IVNS1ABP: variants seen among roughly 807,000 people sequenced by gnomAD.
IVNS1ABP encodes the protein influenza virus NS1A-binding protein.
Under a neutral mutation model 78.9 loss-of-function variants are expected in IVNS1ABP, and 25 were observed. The observed-to-expected ratio is 0.32, with a 90% confidence interval of 0.23 to 0.44. IVNS1ABP has a LOEUF of 0.44. IVNS1ABP is among the 20% of genes least tolerant of loss of function. The pLI is 1.00. For synonymous variants in IVNS1ABP, 241 were observed against 259.7 expected, an observed-to-expected ratio of 0.93 and a Z score of 0.69; for missense variants, 494 against 768.9, an observed-to-expected ratio of 0.64 and a Z score of 4.23.
intron 1 of IVNS1ABP, among the ~76,000 whole-genome samples, chr1:185,316,232 C>T (rs1666015619): frequency 6.6e-6 from 1 of 152,132 alleles, no homozygotes; most frequent in African/African-American, 2.4e-5. Context: ...CCGCAGGCTG[C>T]GAGGCGAGGC....
At chr1:185,299,074 G>T (rs949172312) in intron 14 of IVNS1ABP, 1 of 152,452 alleles carries the variant, frequency 6.6e-6, no homozygotes, top group Non-Finnish European at 1.5e-5. Context: ...TGCATTCTAT[G>T]TATCTGTAAA....
Position 185,300,129 on chromosome 1 carries a change from T to A in IVNS1ABP, c.1371A>T (p.Gly457=), listed in dbSNP as rs1665532883. ...ATAACTTTCCATTCAGAGCACACACTCCTATGTAAGTATAAAATAAAGTTA... is the reference window on the plus strand; with the variant it reads ...ATAACTTTCCATTCAGAGCACACACACCTATGTAAGTATAAAATAAAGTTA... ...PELRTNRCNA[G]VCALNGKLYI... is the part of the protein sequence containing the mutation. Residue 457 remains glycine (G), a splice_region_variant and synonymous_variant, in exon 13 of 15, where the codon GGA becomes GGT. Transcript: ENST00000367498. 6.2e-7 allele frequency: 1 copy of A among 1,611,812 alleles called. No individual in the cohort carries two copies. The highest frequency in any genetic ancestry group is 8.5e-7 in the Non-Finnish European group (1 of 1,178,846).
Position 185,297,039 on chromosome 1 carries a change from T to G in IVNS1ABP, c.*996A>C, listed in dbSNP as rs1483120993. 1 of 152,160 alleles carries G rather than the reference T, an allele frequency of 6.6e-6. No individual in the cohort carries two copies. Among genetic ancestry groups the G allele is most frequent in the Non-Finnish European group, 1.5e-5 (1 of 68,012 alleles). The allele number at this position is 152,160 out of a possible 1,614,324, so 9.4% of individuals were successfully genotyped here. ...TCATCCCAACCAATATTTATCCATA[T>G]GAACAGATAAACTGAACAAAAACAT... On this transcript the variant is annotated 3_prime_UTR_variant, in exon 15 of 15. Transcript: ENST00000367498.
Position 185,299,499 on chromosome 1 carries a change from G to A in IVNS1ABP, c.1675+211C>T, listed in dbSNP as rs75303450. 8.7e-6 allele frequency: 5 copies of A among 574,480 alleles called. No individual in the cohort carries two copies. The East Asian group carries it at 1.4e-4, about 17-fold the overall frequency. The allele number at this position is 574,480 out of a possible 1,614,324, so 35.6% of individuals were successfully genotyped here. A position where few individuals can be genotyped will look rare whatever the true frequency, so the allele number is the denominator to read the frequency against. On this transcript the variant is annotated intron_variant, in intron 14 of 14. Coordinates refer to ENST00000367498, the MANE Select transcript of IVNS1ABP (RefSeq NM_006469.5). ...CACTCAGTGCACCCATCAAAAGACT[G>A]GTGAATTAAGTTATATATCAAGTAT...
rs1247994682 is a variant in IVNS1ABP, at chr1:185,307,054, A to C, written c.617T>G (p.Ile206Ser). The C allele has an allele frequency of 6.2e-7, 1 of 1,613,592 alleles. No individual in the cohort carries two copies. The highest frequency in any genetic ancestry group is 1.7e-5 in the Admixed American group (1 of 59,994). Reference sequence around the variant, plus strand: ...TTCCAGACTGTCTCCATTCTCCCAGATGCTACGCTGCACCCAGTTGATTAC... The same window carrying C: ...TTCCAGACTGTCTCCATTCTCCCAGCTGCTACGCTGCACCCAGTTGATTAC... Reference protein sequence around the residue: ...TKVINWVQRSIWENGDSLEEL... With the variant: ...TKVINWVQRSSWENGDSLEEL... The change falls in exon 7 of 15, where the codon ATC (isoleucine) becomes AGC (serine). Residue 206 changes from isoleucine (I) to serine (S), a missense_variant. By Grantham distance (142) the Ile-to-Ser change is moderately radical. Transcript: ENST00000367498.
chr1:185,313,721 A>T (rs1380131859), intron 1 of IVNS1ABP, among the ~76,000 whole-genome samples: 2 of 152,232 alleles, frequency 1.3e-5, no homozygotes, highest in African/African-American at 4.8e-5. Context: ...TCCCAGAGTC[A>T]TATAAGAGTA....
Position 185,307,816 on chromosome 1 carries a change from AAATGATAAAC to A in IVNS1ABP, c.358-164_358-155del, listed in dbSNP as rs1665778876. On this transcript the variant is annotated intron_variant, in intron 5 of 14. Transcript: ENST00000367498. ...TTAATAGTGGTAATAACACGTATAC[AAATGATAAAC>A]ATCTAATTATGCCATACAGATATGT... 3 of 1,218,122 alleles carry A rather than the reference AAATGATAAAC, an allele frequency of 2.5e-6. No individual in the cohort carries two copies. In the African/African-American group the frequency reaches 4.6e-5, roughly 19 times the overall value. 75.5% of individuals were successfully genotyped at this position (1,218,122 alleles called of 1,614,324 possible).
chr1:185,303,978 G>T (rs565737249), intron 8 of IVNS1ABP, among the ~76,000 whole-genome samples: 2 of 151,998 alleles, frequency 1.3e-5, no homozygotes, highest in Admixed American at 1.3e-4. Flanking sequence ...CCCATTCAGG[G>T]AGCATTTACC....
At chr1:185,304,182 C>T (rs1249463668) in intron 8 of IVNS1ABP, among the ~76,000 whole-genome samples, 4 of 152,052 alleles carry the variant, frequency 2.6e-5, no homozygotes, top group Non-Finnish European at 5.9e-5. Context: ...TTCGTAGCTA[C>T]CTCTTATAAG....
Position 185,305,806 on chromosome 1 carries a change from G to T in IVNS1ABP, c.658-163C>A. 1 of 694,968 alleles carries T rather than the reference G, an allele frequency of 1.4e-6. No homozygotes were observed. The highest frequency in any genetic ancestry group is 2.1e-6 in the Non-Finnish European group (1 of 469,650). 43.1% of individuals were successfully genotyped at this position (694,968 alleles called of 1,614,324 possible). On this transcript the variant is annotated intron_variant, in intron 7 of 14. Transcript: ENST00000367498. This position sits in a 1 kb window ranked among gnomAD's most constrained non-coding sequence, Gnocchi z 4.0. ...GAGGTAAAGAAAAATACATGTCATG[G>T]TGGTAAAAATTAAAAAACAAAAACA...
chr1:185,301,632 C>T (rs1571740463), intron 8 of IVNS1ABP, 69 bp from the exon 9 acceptor site: 2 of 1,563,480 alleles, frequency 1.3e-6, no homozygotes, highest in Admixed American at 3.4e-5. Flanking sequence ...TGTTCCTGAG[C>T]TATTCCACAA....
chr1:185,308,619 G>A (rs1007385248), intron 5 of IVNS1ABP, among the ~76,000 whole-genome samples, 181 bp downstream of exon 5: 1 of 152,150 alleles, frequency 6.6e-6, no homozygotes, highest in African/African-American at 2.4e-5. Context: ...TATCTGAGAA[G>A]AAGTGTGATC....
At position 185,317,064 on chromosome 1, in the gene IVNS1ABP, G is replaced by T. The variant is rs1362003637; in HGVS notation, c.-358C>A. The stretch of plus-strand genomic sequence containing the variant: ...AAAGCGCCAGAAGGCGGCGGAAGAC[G>T]GGAGCGGTCAAGTAGAAGGACGAGG... On this transcript the variant is annotated 5_prime_UTR_variant, in exon 1 of 15. Coordinates refer to ENST00000367498, the MANE Select transcript of IVNS1ABP (RefSeq NM_006469.5). The T allele has an allele frequency of 2.5e-6, 1 of 398,824 alleles. No individual in the cohort carries two copies. Among genetic ancestry groups the T allele is most frequent in the Non-Finnish European group, 4.4e-6 (1 of 226,268 alleles). The allele number at this position is 398,824 out of a possible 1,614,324, so 24.7% of individuals were successfully genotyped here. A position where few individuals can be genotyped will look rare whatever the true frequency, so the allele number is the denominator to read the frequency against.
chr1:185,316,300 G>A (rs1005694558), intron 1 of IVNS1ABP, among the ~76,000 whole-genome samples: 5 of 152,038 alleles, frequency 3.3e-5, no homozygotes, highest in Non-Finnish European at 7.4e-5. Flanking sequence ...ACTCAGTACC[G>A]ACACGTCAGG....
Position 185,306,647 on chromosome 1 carries a change from G to A in IVNS1ABP, c.657+367C>T. ...AAACCTATGGGGAGATAAATCAATG[G>A]GGAGGAACAACCATTAGAAGCTTTT... On this transcript the variant is annotated intron_variant, in intron 7 of 14. Coordinates refer to ENST00000367498, the MANE Select transcript of IVNS1ABP (RefSeq NM_006469.5). 5 of 1,153,224 alleles carry A rather than the reference G, an allele frequency of 4.3e-6. No homozygotes were observed. The South Asian group carries it at 9.0e-5, about 21-fold the overall frequency. 71.4% of individuals were successfully genotyped at this position (1,153,224 alleles called of 1,614,324 possible).
In IVNS1ABP at chr1:185,311,895, A is replaced by G. The variant is rs562620284; in HGVS notation, c.-246-573T>C. On this transcript the variant is annotated intron_variant, in intron 1 of 14. Transcript: ENST00000367498. Reference sequence around the variant, plus strand: ...CCCAGTTGGGAAGCAGTTTCTCCTCATCCTCCACATTTAGAACCCTATCTG... The same window carrying G: ...CCCAGTTGGGAAGCAGTTTCTCCTCGTCCTCCACATTTAGAACCCTATCTG... Among the ~76,000 whole-genome samples, 10 of 152,154 alleles carry G rather than the reference A, an allele frequency of 6.6e-5. No homozygotes were observed. The East Asian group carries it at 1.7e-3, about 26-fold the overall frequency.
Position 185,300,725 on chromosome 1 carries a change from G to A in IVNS1ABP, c.1121-167C>T, listed in dbSNP as rs16823897. 9,691 of 739,126 alleles carry A rather than the reference G, an allele frequency of 0.013. 643 individuals carry two copies. The African/African-American group carries it at 0.15, about 11-fold the overall frequency. The allele number at this position is 739,126 out of a possible 1,614,324, so 45.8% of individuals were successfully genotyped here. A position where few individuals can be genotyped will look rare whatever the true frequency, so the allele number is the denominator to read the frequency against. ...AAGTGCTTGTAATAGCTGAAAAATC[G>A]CATTATCAGTACAAATAAACTGCTT... On this transcript the variant is annotated intron_variant, in intron 10 of 14. Coordinates refer to ENST00000367498, the MANE Select transcript of IVNS1ABP (RefSeq NM_006469.5).
At position 185,298,036 on chromosome 1, in the gene IVNS1ABP, TAAA is replaced by T. The variant is rs1430654145; in HGVS notation, c.1925_1927del (p.Phe642del). 3 of 1,612,884 alleles carry T rather than the reference TAAA, an allele frequency of 1.9e-6. No individual in the cohort carries two copies. The highest frequency in any genetic ancestry group is 2.5e-6 in the Non-Finnish European group (3 of 1,179,378). On this transcript the variant is annotated inframe_deletion, in exon 15 of 15. Coordinates refer to ENST00000367498, the MANE Select transcript of IVNS1ABP (RefSeq NM_006469.5). This position sits in a 1 kb window ranked among gnomAD's most constrained non-coding sequence, Gnocchi z 4.1. ...TAGTTTGAGAGGGTCTTAAATTTGT[TAAA>T]ACTGGAAAATCTTTGTATAGGGGCT...
chr1:185,313,097 C>A (rs978780091), intron 1 of IVNS1ABP, among the ~76,000 whole-genome samples: 4 of 152,122 alleles, frequency 2.6e-5, no homozygotes, highest in Non-Finnish European at 5.9e-5. Flanking sequence ...TATCCACTTA[C>A]TATATTTGAC....
Sources: allele counts gnomAD v4.1 joint callset (sites outside exome capture counted in the v4.1 genomes callset), GRCh38; gene constraint gnomAD v4.1.1; non-coding constraint Gnocchi (gnomAD v3.1); transcripts MANE v1.5; gene names NCBI Gene and HGNC (gene_info 2026-07-23, HGNC 2026-07-21).